SLMAP: variants seen among roughly 807,000 people sequenced by gnomAD.
SLMAP encodes sarcolemma associated protein.
SLMAP carries 44 observed loss-of-function variants against 128.8 expected under a neutral mutation model. The observed-to-expected ratio is 0.34, with a 90% CI of 0.27 to 0.44. The LOEUF (loss-of-function observed/expected upper bound fraction) is 0.44, where lower values mean the gene tolerates loss of function less well. Ranked by LOEUF, SLMAP falls within the 20% of genes least tolerant of loss-of-function variation. The probability of loss-of-function intolerance (pLI) is 1.00; values close to 1 mark genes in which losing one functional copy is unlikely to be tolerated. For missense variants in SLMAP, 787 were observed against 985.3 expected (o/e 0.80, Z 2.69); for synonymous variants, 327 against 348.8 (o/e 0.94, Z 0.70).
In SLMAP at chr3:57,853,975, A is replaced by T. The variant is rs1161263411; in HGVS notation, c.520-3758A>T. Among the ~76,000 whole-genome samples, 107 of 101,128 alleles carry T rather than the reference A, an allele frequency of 1.1e-3. 3 individuals are homozygous for T. The highest frequency in any genetic ancestry group is 4.2e-3 in the African/African-American group (105 of 24,794). The allele number at this position is 101,128 out of a possible 152,430, so 66.3% of individuals were successfully genotyped here. On this transcript the variant is annotated intron_variant, in intron 6 of 24. Coordinates refer to ENST00000671191, the MANE Select transcript of SLMAP (RefSeq NM_001377540.1). ...AAAAATTATATATATATATATATAT[A>T]TATATATATATATATATATATATAT...
chr3:57,900,595 C>A (rs1333420506), intron 17 of SLMAP: 1 of 152,578 alleles, frequency 6.6e-6, no homozygotes, highest in East Asian at 1.9e-4. Context: ...GCGGCCTGAT[C>A]ACTTGAGCCC....
rs572856409 is a variant in SLMAP, at chr3:57,906,618, A to G, written c.1502-1266A>G. On this transcript the variant is annotated intron_variant, in intron 17 of 24. Transcript: ENST00000671191. ...AGGCATGAACCACCGCGCCTAGGCC[A>G]GAATACAATTTTTCTAGAGAGAAAA... 2.9e-3 allele frequency among the ~76,000 whole-genome samples: 438 copies of G among 148,516 alleles called. 1 individual carries two copies. Among genetic ancestry groups the G allele is most frequent in the Non-Finnish European group, 5.4e-3 (365 of 67,286 alleles).
In SLMAP at chr3:57,926,161, A is replaced by G. The variant is rs2097004405; in HGVS notation, c.*6+227A>G. The stretch of plus-strand genomic sequence containing the variant: ...GTAATGCTAACCATGAGTTAATTCC[A>G]ACCTAACCAGTTGTTAATATGCTTC... On this transcript the variant is annotated intron_variant, in intron 24 of 24. Coordinates refer to ENST00000671191, the MANE Select transcript of SLMAP (RefSeq NM_001377540.1). 9 of 520,774 alleles carry G rather than the reference A, an allele frequency of 1.7e-5. No homozygotes were observed. The Admixed American group carries it at 2.2e-4, about 13-fold the overall frequency. 32.3% of individuals were successfully genotyped at this position (520,774 alleles called of 1,614,324 possible).
chr3:57,786,686 A>G (rs2084212296), intron 2 of SLMAP, among the ~76,000 whole-genome samples: 1 of 148,450 alleles, frequency 6.7e-6, no homozygotes, highest in Non-Finnish European at 1.5e-5. Context: ...TCTCCTGAGT[A>G]GCTGGTATTA....
intron 6 of SLMAP, among the ~76,000 whole-genome samples, chr3:57,852,925 C>T (rs1418218581): frequency 6.6e-6 from 1 of 152,098 alleles, no homozygotes; most frequent in African/African-American, 2.4e-5. Context: ...TATTGAACTG[C>T]TAAAGTTCTA....
intron 2 of SLMAP, among the ~76,000 whole-genome samples, chr3:57,799,143 T>G (rs1279882810): frequency 6.6e-6 from 1 of 152,124 alleles, no homozygotes; most frequent in Non-Finnish European, 1.5e-5. Flanking sequence ...AAGGTAGGAG[T>G]TTGCCACAGT....
chr3:57,801,846 A>G (rs1214820967), intron 2 of SLMAP, among the ~76,000 whole-genome samples: 1 of 152,034 alleles, frequency 6.6e-6, no homozygotes, highest in Non-Finnish European at 1.5e-5. Context: ...GCCAATTTGC[A>G]TTCTCATGAT....
intron 17 of SLMAP, among the ~76,000 whole-genome samples, chr3:57,903,923 G>A (rs1364286619): frequency 6.6e-6 from 1 of 152,100 alleles, no homozygotes; most frequent in Non-Finnish European, 1.5e-5. Flanking sequence ...TCCATTTCTA[G>A]GACAAAAACG....
intron 22 of SLMAP, among the ~76,000 whole-genome samples, chr3:57,921,173 A>G (rs562460006): frequency 6.6e-6 from 1 of 152,280 alleles, no homozygotes; most frequent in East Asian, 1.9e-4. Context: ...GCCTCCAGGC[A>G]CCATTTAAAG....
chr3:57,911,923 T>TAAAA (rs57106769), intron 19 of SLMAP, among the ~76,000 whole-genome samples: 6 of 52,386 alleles, frequency 1.1e-4, no homozygotes, highest in South Asian at 8.3e-4. Flanking sequence ...GGATTCACCC[T>TAAAA]AAAAAAAAAA....
chr3:57,788,408 G>T lies in SLMAP; in HGVS notation c.198+30559G>T, dbSNP rs573092792. Among the ~76,000 whole-genome samples the T allele has an allele frequency of 6.6e-5, 10 of 152,330 alleles. No individual in the cohort carries two copies. In the East Asian group the frequency reaches 1.7e-3, roughly 26 times the overall value. The stretch of plus-strand genomic sequence containing the variant: ...GCAAGGGGACTTGTAGAGTGATTCA[G>T]TAAAGAGGACAGTTAGAGGTAAATT... On this transcript the variant is annotated intron_variant, in intron 2 of 24. Coordinates refer to ENST00000671191, the MANE Select transcript of SLMAP (RefSeq NM_001377540.1).
intron 2 of SLMAP, among the ~76,000 whole-genome samples, chr3:57,811,795 T>C (rs1458947716): frequency 6.6e-6 from 1 of 152,152 alleles, no homozygotes; most frequent in Non-Finnish European, 1.5e-5. Flanking sequence ...TGTGAAGTGG[T>C]ATCTCATTGT....
chr3:57,876,192 A>G (rs1459626204), intron 14 of SLMAP, among the ~76,000 whole-genome samples: 1 of 152,216 alleles, frequency 6.6e-6, no homozygotes, highest in Non-Finnish European at 1.5e-5. Context: ...AAGGTTTTCC[A>G]TGTCTGTCTT....
At chr3:57,895,871 G>A (rs186889101) in intron 15 of SLMAP, among the ~76,000 whole-genome samples, 12 of 151,656 alleles carry the variant, frequency 7.9e-5, no homozygotes, top group Admixed American at 2.6e-4. Flanking sequence ...TTGAGCCCAG[G>A]AGGTCAAGGT....
At chr3:57,795,714 G>A (rs975622386) in intron 2 of SLMAP, among the ~76,000 whole-genome samples, 1 of 152,014 alleles carries the variant, frequency 6.6e-6, no homozygotes, top group African/African-American at 2.4e-5. Flanking sequence ...AATTTTAAGT[G>A]TACATTTCAG....
chr3:57,806,030 G>T (rs1228211907), intron 2 of SLMAP, among the ~76,000 whole-genome samples: 1 of 149,638 alleles, frequency 6.7e-6, no homozygotes, highest in South Asian at 2.1e-4. Context: ...TTTTTTTTTT[G>T]TTTGTTTTGT....
At chr3:57,921,508 C>T (rs1039297244) in intron 22 of SLMAP, among the ~76,000 whole-genome samples, 4 of 151,874 alleles carry the variant, frequency 2.6e-5, no homozygotes, top group South Asian at 2.1e-4. Context: ...TGCCCGTAAT[C>T]GCAGCTACTC....
chr3:57,843,767 T>TTTTC (rs1337242852), intron 4 of SLMAP, among the ~76,000 whole-genome samples: 2 of 131,898 alleles, frequency 1.5e-5, no homozygotes, highest in African/African-American at 2.9e-5. Context: ...TCTTTCTTTC[T>TTTTC]TTTCTTTCTT....
intron 13 of SLMAP, among the ~76,000 whole-genome samples, chr3:57,866,176 G>A (rs1448548973): frequency 6.6e-6 from 1 of 152,160 alleles, no homozygotes; most frequent in Non-Finnish European, 1.5e-5. Flanking sequence ...GGAGGCTGAG[G>A]TGGGAGGGTC....
Sources: allele counts gnomAD v4.1 joint callset (sites outside exome capture counted in the v4.1 genomes callset), GRCh38; gene constraint gnomAD v4.1.1; transcripts MANE v1.5; gene names NCBI Gene and HGNC (gene_info 2026-07-23, HGNC 2026-07-21).